The following ZNF536 variants were observed in gnomAD, a reference collection of about 807,000 sequenced individuals.
ZNF536 encodes zinc finger protein 536.
ZNF536 carries 13 observed loss-of-function variants against 84.5 expected under a neutral mutation model. The ratio of observed to expected loss-of-function variants is 0.15; its 90% confidence interval spans 0.10 to 0.24. The LOEUF is 0.24. Ranked by LOEUF, ZNF536 falls within the 10% of genes least tolerant of loss-of-function variation. The pLI is 1.00. For synonymous variants in ZNF536, 811 were observed against 742.5 expected, an observed-to-expected ratio of 1.09 and a Z score of -1.50; for missense variants, 1,536 against 1,747.5, an observed-to-expected ratio of 0.88 and a Z score of 2.16.
chr19:30,446,248 C>CAAAAAA (rs1177505634), intron 2 of ZNF536, among the ~76,000 whole-genome samples: 1,999 of 29,014 alleles, frequency 0.069, 388 homozygotes, highest in Non-Finnish European at 0.087. Context: ...GACACTGTCT[C>CAAAAAA]AAAAAAAAAA....
At chr19:30,633,197 TCAG>T (rs2048951639) in intron 1 of ZNF536, among the ~76,000 whole-genome samples, 1 of 152,230 alleles carries the variant, frequency 6.6e-6, no homozygotes, top group Non-Finnish European at 1.5e-5. Context: ...GATTGTGGTA[TCAG>T]ATGGAATCTA....
intron 1 of ZNF536, among the ~76,000 whole-genome samples, chr19:30,708,020 A>AAAG (rs1231372943): frequency 6.6e-6 from 1 of 151,998 alleles, no homozygotes; most frequent in Non-Finnish European, 1.5e-5. Flanking sequence ...AAAAAAAAAA[A>AAAG]AAAAGAAAAT....
chr19:30,447,527 C>T (rs1041897233), intron 2 of ZNF536, among the ~76,000 whole-genome samples: 3 of 152,184 alleles, frequency 2.0e-5, no homozygotes, highest in African/African-American at 7.2e-5. Context: ...GGATGAGACA[C>T]TTAGGAAGTG....
At chr19:30,228,483 TA>T (rs1463952834), upstream of ZNF536, 1 of 151,998 alleles carries the variant, frequency 6.6e-6, no homozygotes. This position sits in a 1 kb window ranked among gnomAD's most constrained non-coding sequence, Gnocchi z 4.5. Context: ...CGCGCCCCCA[TA>T]AATCTGCCCG....
chr19:30,627,468 CAAAAAAAAAAAAAAAAAAAAAAAA>C (rs569312789), intron 1 of ZNF536, among the ~76,000 whole-genome samples: 1 of 52,028 alleles, frequency 1.9e-5, no homozygotes, highest in Non-Finnish European at 3.2e-5. Context: ...AAGGCCCTGT[CAAAAAAAAAAAAAAAAAAAAAAAA>C]AAAAAAAAAA....
intron 1 of ZNF536, among the ~76,000 whole-genome samples, chr19:30,677,524 G>A (rs1007347093): frequency 2.6e-5 from 4 of 152,208 alleles, no homozygotes. Flanking sequence ...GACATTCACT[G>A]CTCTCCATGC....
chr19:30,295,684 T>C (rs992552836), intron 2 of ZNF536, among the ~76,000 whole-genome samples: 1 of 152,138 alleles, frequency 6.6e-6, no homozygotes, highest in Non-Finnish European at 1.5e-5. Flanking sequence ...GGTCATTCCG[T>C]GCACATCTGT....
intron 1 of ZNF536, among the ~76,000 whole-genome samples, chr19:30,709,426 C>A (rs1568694580): frequency 6.6e-6 from 1 of 152,298 alleles, no homozygotes; most frequent in South Asian, 2.1e-4. Context: ...ACTCACCCCA[C>A]CCCCAAACAC....
At chr19:30,420,595 G>A (rs765495884) in intron 1 of ZNF536, among the ~76,000 whole-genome samples, 2 of 151,982 alleles carry the variant, frequency 1.3e-5, no homozygotes, top group Non-Finnish European at 2.9e-5. Context: ...AATCTCTAGC[G>A]TCAGAAGCAT....
chr19:30,621,594 T>C (rs1394927601), intron 1 of ZNF536, among the ~76,000 whole-genome samples: 1 of 152,250 alleles, frequency 6.6e-6, no homozygotes. Flanking sequence ...AACAATATCT[T>C]TAAAACTGCC....
At chr19:30,346,971 A>G (rs1317093631) in intron 2 of ZNF536, among the ~76,000 whole-genome samples, 3 of 152,178 alleles carry the variant, frequency 2.0e-5, no homozygotes, top group African/African-American at 7.2e-5. Context: ...AGCAGTGTGT[A>G]AGCATTCCTT....
chr19:30,673,530 C>T (rs367751326), intron 1 of ZNF536, among the ~76,000 whole-genome samples: 8 of 152,240 alleles, frequency 5.3e-5, no homozygotes, highest in Admixed American at 1.3e-4. Flanking sequence ...GCACATACAT[C>T]GCCCGCACAG....
At chr19:30,432,018 T>TAC (rs368404408) in intron 1 of ZNF536, among the ~76,000 whole-genome samples, 21,957 of 143,578 alleles carry the variant, frequency 0.15, 2,320 homozygotes, top group East Asian at 0.28. Context: ...CACACACACA[T>TAC]ACACACACAC....
chr19:30,626,439 A>G (rs1041797758), intron 1 of ZNF536, among the ~76,000 whole-genome samples: 1 of 151,496 alleles, frequency 6.6e-6, no homozygotes, highest in Non-Finnish European at 1.5e-5. Flanking sequence ...CCATCCATTG[A>G]TTTTCATGGG....
intron 2 of ZNF536, among the ~76,000 whole-genome samples, chr19:30,310,842 T>C (rs1568322627): frequency 6.6e-6 from 1 of 152,160 alleles, no homozygotes; most frequent in African/African-American, 2.4e-5. Flanking sequence ...TTATCCAGGG[T>C]TCAAGTGCTC....
chr19:30,411,837 A>G (rs2050508303), intron 1 of ZNF536, among the ~76,000 whole-genome samples: 1 of 152,072 alleles, frequency 6.6e-6, no homozygotes, highest in Admixed American at 6.5e-5. Flanking sequence ...GATCTTATTG[A>G]TAATTTGACT....
chr19:30,322,064 A>G (rs2046876591), intron 2 of ZNF536, among the ~76,000 whole-genome samples: 1 of 152,124 alleles, frequency 6.6e-6, no homozygotes, highest in South Asian at 2.1e-4. Flanking sequence ...GTGAGCCACC[A>G]TGTCTGGCCT....
At chr19:30,682,741 C>T (rs1051071040) in intron 1 of ZNF536, among the ~76,000 whole-genome samples, 2 of 152,082 alleles carry the variant, frequency 1.3e-5, no homozygotes, top group African/African-American at 4.8e-5. Context: ...GGTGGTGGCA[C>T]CCTCTCTCCC....
intron 2 of ZNF536, among the ~76,000 whole-genome samples, chr19:30,330,350 T>G (rs2047170522): frequency 6.6e-6 from 1 of 152,206 alleles, no homozygotes; most frequent in African/African-American, 2.4e-5. Context: ...GTCAGTTTCT[T>G]GCACACTGGG....
Sources: gnomAD v4.1 joint callset for allele counts (sites outside exome capture counted in the v4.1 genomes callset) on GRCh38, gnomAD v4.1.1 for gene constraint, Gnocchi (gnomAD v3.1) non-coding constraint, MANE v1.5 for transcripts, NCBI Gene and HGNC (gene_info 2026-07-23, HGNC 2026-07-21) for gene names.